SPRY2: variants seen among roughly 807,000 people sequenced by gnomAD.
SPRY2 encodes protein sprouty homolog 2.
SPRY2 carries 10 observed loss-of-function variants against 23.4 expected under a neutral mutation model. The ratio of observed to expected loss-of-function variants is 0.43; its 90% CI spans 0.26 to 0.73. The LOEUF is 0.73. SPRY2 is among the 30% of genes least tolerant of loss of function. The pLI, the probability that SPRY2 is intolerant of heterozygous loss-of-function variation, is 0.22. For synonymous variants in SPRY2, 170 were observed against 156.9 expected (o/e 1.08, Z -0.62); for missense variants, 344 against 396.9 (o/e 0.87, Z 1.13).
chr13:80,336,122 TA>T lies in SPRY2; in HGVS notation c.*635del, dbSNP rs1324111769. The T allele has an allele frequency of 5.3e-5, 8 of 152,190 alleles. No individual in the cohort carries two copies. The highest frequency in any genetic ancestry group is 1.9e-4 in the African/African-American group (8 of 41,462). The allele number at this position is 152,190 out of a possible 1,614,324, so 9.4% of individuals were successfully genotyped here. A position where few individuals can be genotyped will look rare whatever the true frequency, so the allele number is the denominator to read the frequency against. On this transcript the variant is annotated 3_prime_UTR_variant, in exon 2 of 2. Coordinates refer to ENST00000377104, the MANE Select transcript of SPRY2 (RefSeq NM_005842.4). ...ATAAATATTCTTTTTTATAAAATAA[TA>T]AAACTTCAAATAAATATTCTTTACA... is the stretch of plus-strand genomic sequence containing the variant.
intron 1 of SPRY2, among the ~76,000 whole-genome samples, chr13:80,338,272 T>TC (rs1415276881): frequency 1.3e-5 from 2 of 152,218 alleles, no homozygotes; most frequent in Non-Finnish European, 2.9e-5. Flanking sequence ...TGTAACTTTT[T>TC]CAAACCAGGT....
chr13:80,340,391 GAC>G (rs1396960556), intron 1 of SPRY2, among the ~76,000 whole-genome samples: 4 of 152,350 alleles, frequency 2.6e-5, no homozygotes, highest in African/African-American at 9.6e-5. Context: ...GCCTGTCGGG[GAC>G]ACTGCACGGG....
rs1439993723 is a variant in SPRY2, at chr13:80,335,994, T to C, written c.*764A>G. 6.6e-6 allele frequency: 1 copy of C among 152,164 alleles called. No individual in the cohort carries two copies. The highest frequency in any genetic ancestry group is 1.5e-5 in the Non-Finnish European group (1 of 68,022). The allele number at this position is 152,164 out of a possible 1,614,324, so 9.4% of individuals were successfully genotyped here. A position where few individuals can be genotyped will look rare whatever the true frequency, so the allele number is the denominator to read the frequency against. ...AGCTCAGTTTAATTTCAAACGTTAA[T>C]ATATTTTCTATTTTATATTGGACAT... On this transcript the variant is annotated 3_prime_UTR_variant, in exon 2 of 2. Transcript: ENST00000377104.
intron 1 of SPRY2, among the ~76,000 whole-genome samples, chr13:80,339,917 C>T (rs1490003514): frequency 6.6e-6 from 1 of 152,218 alleles, no homozygotes; most frequent in Non-Finnish European, 1.5e-5. Flanking sequence ...GCTGGGTCAG[C>T]CCGAGCTTCC....
rs759745233 is a variant in SPRY2, at chr13:80,337,608, G to A, written c.98C>T (p.Ala33Val). ...CAAGACATGTACCTGCTGGGTGAGG[G>A]CGTCTCTGGGGTCGGGCTCCCCACG... Reference protein sequence around the residue: ...RQRGEPDPRDALTQQVHVLSL... With the variant: ...RQRGEPDPRDVLTQQVHVLSL... The change falls in exon 2 of 2, where the codon GCC becomes GTC. Residue 33 changes from alanine to valine, a missense_variant. By Grantham distance (64) the Ala-to-Val change is moderately conservative. Coordinates refer to ENST00000377104, the MANE Select transcript of SPRY2 (RefSeq NM_005842.4). 1.1e-5 allele frequency: 18 copies of A among 1,614,028 alleles called. No homozygotes were observed. The Admixed American group carries it at 3.0e-4, about 27-fold the overall frequency.
rs561350953 is a variant in SPRY2 at position 80,341,052 on chromosome 13, G to T, written c.-482C>A. ...CGGGCCGGGCCGGGCGGGCGCGGGG[G>T]CCTGGGCGCTGCGCGCTCCGCCGGC... On this transcript the variant is annotated 5_prime_UTR_variant, in exon 1 of 2. Transcript: ENST00000377104. The T allele has an allele frequency of 6.7e-6, 1 of 148,386 alleles. No individual in the cohort carries two copies. 9.2% of individuals were successfully genotyped at this position (148,386 alleles called of 1,614,324 possible).
chr13:80,340,054 C>T (rs369318113), intron 1 of SPRY2, among the ~76,000 whole-genome samples: 92 of 152,276 alleles, frequency 6.0e-4, no homozygotes, highest in African/African-American at 2.0e-3. Context: ...AGACTGTCCA[C>T]ACGGAGCAGA....
intron 1 of SPRY2, 35 bp from the exon 2 acceptor site, chr13:80,337,791 C>A: frequency 8.2e-7 from 1 of 1,222,014 alleles, no homozygotes; most frequent in South Asian, 1.2e-5. Context: ...GGTTGATACT[C>A]TAAGATACTT....
rs1326064366 is a variant in SPRY2 at position 80,340,938 on chromosome 13, G to A, written c.-368C>T. 1 of 152,162 alleles carries A rather than the reference G, an allele frequency of 6.6e-6. No homozygotes were observed. Among genetic ancestry groups the A allele is most frequent in the Non-Finnish European group, 1.5e-5 (1 of 67,956 alleles). The allele number at this position is 152,162 out of a possible 1,614,324, so 9.4% of individuals were successfully genotyped here. A position where few individuals can be genotyped will look rare whatever the true frequency, so the allele number is the denominator to read the frequency against. ...CCTGGCAGATGAGCGAATGGGAAAA[G>A]AAAACGGCCTTACGGAGAACCTAAA... On this transcript the variant is annotated 5_prime_UTR_variant, in exon 1 of 2. Transcript: ENST00000377104.
intron 1 of SPRY2, among the ~76,000 whole-genome samples, 196 bp downstream of exon 1, chr13:80,340,426 A>T (rs1025424915): frequency 6.6e-6 from 1 of 152,204 alleles, no homozygotes; most frequent in African/African-American, 2.4e-5. Context: ...GTCCCCGCAG[A>T]GGCAGGCCGA....
At position 80,336,468 on chromosome 13, in the gene SPRY2, G is replaced by A; in HGVS notation, c.*290C>T. ...ATCTGCTAATTTACAAGTTTTGCAA[G>A]TACTATTCACAAACAAAAACTTTGC... On this transcript the variant is annotated 3_prime_UTR_variant, in exon 2 of 2. Transcript: ENST00000377104. 2 of 467,154 alleles carry A rather than the reference G, an allele frequency of 4.3e-6. No individual in the cohort carries two copies. Among genetic ancestry groups the A allele is most frequent in the Non-Finnish European group, 7.8e-6 (2 of 258,038 alleles). The allele number at this position is 467,154 out of a possible 1,614,324, so 28.9% of individuals were successfully genotyped here. A position where few individuals can be genotyped will look rare whatever the true frequency, so the allele number is the denominator to read the frequency against.
rs766036986 is a variant in SPRY2 at position 80,336,787 on chromosome 13, G to T, written c.919C>A (p.Pro307Thr). ...NTVCCKVPTV[P>T]PRNFEKPT Reference sequence around the variant, plus strand: ...GTTGGTTTTTCAAAGTTCCTAGGGGGGACAGTGGGAACTTTGCAGCAAACT... The same window carrying T: ...GTTGGTTTTTCAAAGTTCCTAGGGGTGACAGTGGGAACTTTGCAGCAAACT... The change falls in exon 2 of 2, where the codon CCC becomes ACC. Residue 307 changes from proline (P) to threonine (T), a missense_variant. Transcript: ENST00000377104. 1.1e-5 allele frequency: 18 copies of T among 1,614,042 alleles called. No homozygotes were observed. Among genetic ancestry groups the T allele is most frequent in the Admixed American group, 3.3e-5 (2 of 60,004 alleles).
intron 1 of SPRY2, among the ~76,000 whole-genome samples, 178 bp downstream of exon 1, chr13:80,340,444 C>T (rs1427090795): frequency 6.6e-6 from 1 of 152,238 alleles, no homozygotes; most frequent in South Asian, 2.1e-4. Context: ...CGAGCCCAAG[C>T]CCCGGGCGAG....
At chr13:80,340,356 C>T (rs547755046) in intron 1 of SPRY2, among the ~76,000 whole-genome samples, 2 of 152,384 alleles carry the variant, frequency 1.3e-5, no homozygotes, top group South Asian at 4.1e-4. Flanking sequence ...CGTCCCAACC[C>T]CCTAGAGCGC....
chr13:80,340,810 G>A lies in SPRY2; in HGVS notation c.-240C>T, dbSNP rs1015797187. 5 of 152,244 alleles carry A rather than the reference G, an allele frequency of 3.3e-5. No individual in the cohort carries two copies. The highest frequency in any genetic ancestry group is 2.0e-4 in the Admixed American group (3 of 15,290). 9.4% of individuals were successfully genotyped at this position (152,244 alleles called of 1,614,324 possible). A position where few individuals can be genotyped will look rare whatever the true frequency, so the allele number is the denominator to read the frequency against. On this transcript the variant is annotated 5_prime_UTR_variant, in exon 1 of 2. Transcript: ENST00000377104. ...GATTCCCCGCTGATGAACACTCCGG[G>A]GTTCGGAGCTGGAGACGACTCCCCT...
chr13:80,340,270 C>A (rs754499136), intron 1 of SPRY2, among the ~76,000 whole-genome samples: 1 of 152,252 alleles, frequency 6.6e-6, no homozygotes, highest in South Asian at 2.1e-4. Context: ...AAGTGTTTTT[C>A]TCTCCCTCTC....
rs72221840 is a variant in SPRY2 at position 80,338,153 on chromosome 13, CAT to C, written c.-51-399_-51-398del. On this transcript the variant is annotated intron_variant, in intron 1 of 1. Transcript: ENST00000377104. ...AAATTTGAAATAGGTTTCCATTTGTCATAGTCATTTTTGCCTTAAGCGTTAAT... is the reference window on the plus strand; with the variant it reads ...AAATTTGAAATAGGTTTCCATTTGTCAGTCATTTTTGCCTTAAGCGTTAAT... Among the ~76,000 whole-genome samples the C allele has an allele frequency of 6.4e-3, 981 of 152,292 alleles. 8 individuals carry two copies. Among genetic ancestry groups the C allele is most frequent in the African/African-American group, 0.022 (917 of 41,556 alleles).
chr13:80,338,170 T>C (rs143649492), intron 1 of SPRY2, among the ~76,000 whole-genome samples: 4 of 152,370 alleles, frequency 2.6e-5, no homozygotes, highest in Admixed American at 6.5e-5. Flanking sequence ...ATTTTTGCCT[T>C]AAGCGTTAAT....
intron 1 of SPRY2, among the ~76,000 whole-genome samples, chr13:80,338,401 G>A (rs750290680): frequency 1.3e-5 from 2 of 152,090 alleles, no homozygotes; most frequent in Non-Finnish European, 2.9e-5. Flanking sequence ...ATCCTATTAG[G>A]TGCCAGAAAC....
Sources: gnomAD v4.1 joint callset for allele counts (sites outside exome capture counted in the v4.1 genomes callset) on GRCh38, gnomAD v4.1.1 for gene constraint, MANE v1.5 for transcripts, NCBI Gene and HGNC (gene_info 2026-07-23, HGNC 2026-07-21) for gene names.